Variants in TTC6 observed in about 807,000 individuals in gnomAD.
The protein encoded by TTC6 is tetratricopeptide repeat domain 6, also known as tetratricopeptide repeat protein 6.
TTC6 carries 172 observed loss-of-function variants against 210.4 expected under a neutral mutation model. The ratio of observed to expected loss-of-function variants is 0.82; its 90% CI spans 0.72 to 0.93. TTC6 has a LOEUF of 0.93. TTC6 is among the 40% of genes least tolerant of loss of function. The pLI is 0.00. For synonymous variants in TTC6, 804 were observed against 819.6 expected (o/e 0.98, Z 0.32); for missense variants, 2,414 against 2,318.1 (o/e 1.04, Z -0.85).
chr14:37,683,576 A>G (rs991146524), intron 3 of TTC6, among the ~76,000 whole-genome samples: 2 of 152,134 alleles, frequency 1.3e-5, no homozygotes, highest in East Asian at 1.9e-4. Flanking sequence ...AGAGAGAGAT[A>G]ACATATTCAC....
At chr14:37,685,897 T>A (rs1206397518) in intron 3 of TTC6, among the ~76,000 whole-genome samples, 1 of 152,172 alleles carries the variant, frequency 6.6e-6, no homozygotes. Context: ...TATGCATTGA[T>A]CTTGGACAAA....
chr14:37,827,310 T>G (rs1287521973), exon 29 of TTC6: 1 of 1,613,300 alleles, frequency 6.2e-7, no homozygotes, highest in Admixed American at 1.7e-5. Context: ...CCCCAAGTAC[T>G]CGCTGGCTTA....
chr14:37,602,034 G>T (rs2095616510), intron 1 of TTC6, among the ~76,000 whole-genome samples: 1 of 152,244 alleles, frequency 6.6e-6, no homozygotes, highest in Admixed American at 6.5e-5. Context: ...GAAAAGCCTT[G>T]CACTAGAGCT....
At chr14:37,822,684 T>A (rs2096160735) in intron 26 of TTC6, among the ~76,000 whole-genome samples, 1 of 152,216 alleles carries the variant, frequency 6.6e-6, no homozygotes, top group Non-Finnish European at 1.5e-5. Context: ...ACCAGCTCAC[T>A]GTTTCTTGTG....
At chr14:37,614,201 T>C (rs2095639033) in intron 2 of TTC6, among the ~76,000 whole-genome samples, 1 of 152,170 alleles carries the variant, frequency 6.6e-6, no homozygotes. Flanking sequence ...TATCTTTTGT[T>C]TTTCATTTCC....
intron 15 of TTC6, among the ~76,000 whole-genome samples, chr14:37,789,323 C>T (rs181161240): frequency 1.9e-3 from 228 of 123,042 alleles, no homozygotes; most frequent in African/African-American, 7.1e-3. Flanking sequence ...ATTTTTTTTC[C>T]TTTTTCCTTA....
intron 1 of TTC6, among the ~76,000 whole-genome samples, chr14:37,599,779 T>C (rs1566830489): frequency 6.6e-6 from 1 of 152,144 alleles, no homozygotes; most frequent in Admixed American, 6.5e-5. Flanking sequence ...AAGGAAGAAG[T>C]GCCCCCTAGG....
chr14:37,693,832 A>G (rs1245807341), intron 3 of TTC6, among the ~76,000 whole-genome samples: 1 of 152,146 alleles, frequency 6.6e-6, no homozygotes, highest in African/African-American at 2.4e-5. Flanking sequence ...GCTGGGGAAA[A>G]GGGAGCCTCT....
chr14:37,687,104 G>C (rs1387520397), intron 3 of TTC6, among the ~76,000 whole-genome samples: 1 of 152,116 alleles, frequency 6.6e-6, no homozygotes, highest in Non-Finnish European at 1.5e-5. Flanking sequence ...GTCTTGCATT[G>C]CTGACACCAC....
At chr14:37,604,105 T>A (rs974791365) in intron 1 of TTC6, among the ~76,000 whole-genome samples, 1 of 152,210 alleles carries the variant, frequency 6.6e-6, no homozygotes, top group Non-Finnish European at 1.5e-5. Flanking sequence ...ATCTTTTGCA[T>A]GTTGTCACCA....
At chr14:37,793,924 G>A (rs1204698799) in intron 17 of TTC6, among the ~76,000 whole-genome samples, 4 of 152,162 alleles carry the variant, frequency 2.6e-5, no homozygotes, top group Admixed American at 2.0e-4. Flanking sequence ...AGAGTGTGAA[G>A]TGTGTACAAT....
At chr14:37,796,975 T>C in intron 20 of TTC6, 28 bp downstream of exon 22, 1 of 1,556,314 alleles carries the variant, frequency 6.4e-7, no homozygotes, top group South Asian at 1.3e-5. Context: ...TAATGTTTAC[T>C]AAACCTATTA....
intron 3 of TTC6, among the ~76,000 whole-genome samples, chr14:37,695,480 G>C (rs983802334): frequency 6.6e-6 from 1 of 152,050 alleles, no homozygotes; most frequent in Non-Finnish European, 1.5e-5. Context: ...TCAGTCTCCT[G>C]AGTAGCTGGG....
At chr14:37,671,418 C>T (rs528713413) in intron 1 of TTC6, among the ~76,000 whole-genome samples, 2 of 152,256 alleles carry the variant, frequency 1.3e-5, no homozygotes, top group Admixed American at 1.3e-4. Flanking sequence ...CATTGGGGAT[C>T]ATCTTGGACA....
Position 37,817,571 on chromosome 14 carries a change from A to AT in TTC6, c.4690-4dup. The AT allele has an allele frequency of 6.2e-7, 1 of 1,612,990 alleles. No individual in the cohort carries two copies. ...AAAATTAACAAAAGCTTATAACATT[A>AT]TTTCAGGATTTTAAACAAGCTGCAC... On this transcript the variant is annotated splice_polypyrimidine_tract_variant and splice_region_variant and intron_variant, in intron 25 of 30. Transcript: ENST00000553443.
At chr14:37,820,992 C>T (rs1391645719) in intron 26 of TTC6, among the ~76,000 whole-genome samples, 1 of 131,156 alleles carries the variant, frequency 7.6e-6, no homozygotes, top group African/African-American at 2.8e-5. Flanking sequence ...TCATCCTGTT[C>T]CTCTTCCTCT....
chr14:37,796,370 G>T (rs781212889), exon 19 of TTC6: 1 of 1,140,218 alleles, frequency 8.8e-7, no homozygotes, highest in Non-Finnish European at 1.3e-6. Flanking sequence ...AATGGACAAA[G>T]GTAAGTATAA....
intron 14 of TTC6, among the ~76,000 whole-genome samples, chr14:37,756,971 C>T (rs1418881568): frequency 1.3e-5 from 2 of 152,040 alleles, no homozygotes. Context: ...TGTGAATCTG[C>T]CTGGTCCTTG....
chr14:37,602,753 G>T (rs574008617), intron 1 of TTC6, among the ~76,000 whole-genome samples: 1 of 152,180 alleles, frequency 6.6e-6, no homozygotes, highest in Non-Finnish European at 1.5e-5. Flanking sequence ...CGCGGTGGGG[G>T]AGAGGGGGTC....
Sources: gnomAD v4.1 joint callset for allele counts (sites outside exome capture counted in the v4.1 genomes callset) on GRCh38, gnomAD v4.1.1 for gene constraint, MANE v1.5 for transcripts, NCBI Gene and HGNC (gene_info 2026-07-23, HGNC 2026-07-21) for gene names.